Variants in LRP1 observed in about 807,000 individuals in gnomAD.
The protein encoded by LRP1 is prolow-density lipoprotein receptor-related protein 1.
Under a neutral mutation model 541.5 loss-of-function variants are expected in LRP1, and 51 were observed. That is an observed-to-expected ratio of 0.09 (90% CI 0.08 to 0.12). The LOEUF is 0.12. LRP1 is among the 10% of genes least tolerant of loss of function. LRP1 has a pLI of 1.00. For synonymous variants in LRP1, 2,219 were observed against 2,470.8 expected (o/e 0.90, Z 3.02); for missense variants, 3,878 against 6,376.2 (o/e 0.61, Z 13.34).
chr12:57,149,418 C>A, intron 6 of LRP1: 1 of 579,742 alleles, frequency 1.7e-6, no homozygotes. Context: ...CCTGTCCTCT[C>A]CTCCCCCGCT....
chr12:57,138,839 C>T (rs1346961293), intron 2 of LRP1, among the ~76,000 whole-genome samples: 3 of 152,234 alleles, frequency 2.0e-5, no homozygotes, highest in Non-Finnish European at 4.4e-5. Context: ...GGGCTGACAG[C>T]TTTGCTAGAA....
Position 57,162,975 on chromosome 12 carries a change from C to G in LRP1, c.2522C>G (p.Thr841Ser). The change falls in exon 15 of 89, where the codon ACT becomes AGT. Residue 841 changes from threonine to serine, a missense_variant. Coordinates refer to ENST00000243077, the MANE Select transcript of LRP1 (RefSeq NM_002332.3). The surrounding 1 kb of genome is among the most constrained non-coding windows in gnomAD (Gnocchi z 5.2). ...EDQVLDADGV[T>S]CLANPSYVPP... ...CAGGTGTTGGACGCAGACGGCGTCA[C>G]TTGCTTGGGTATGAGGTGCCTGGCT... The G allele has an allele frequency of 4.4e-6, 7 of 1,601,814 alleles. No homozygotes were observed. Among genetic ancestry groups the G allele is most frequent in the Non-Finnish European group, 5.9e-6 (7 of 1,176,818 alleles).
In LRP1 at chr12:57,206,734, A is replaced by C. The variant is rs2036788062; in HGVS notation, c.11852A>C (p.His3951Pro). The C allele has an allele frequency of 6.2e-7, 1 of 1,611,534 alleles. No individual in the cohort carries two copies. Residue 3951 changes from histidine to proline, a missense_variant, in exon 76 of 89, where the codon CAC (histidine) becomes CCC (proline). By Grantham distance (77) the His-to-Pro change is moderately conservative. Coordinates refer to ENST00000243077, the MANE Select transcript of LRP1 (RefSeq NM_002332.3). The surrounding 1 kb of genome is among the most constrained non-coding windows in gnomAD (Gnocchi z 4.7). The stretch of plus-strand genomic sequence containing the variant: ...CGACAGATTGACCGGGGTGTCACCC[A>C]CCTCAACGTGAGTGCCCAACCTGGC... Reference protein sequence around the residue: ...HRRQIDRGVTHLNISGLKMPR... With the variant: ...HRRQIDRGVTPLNISGLKMPR...
In LRP1 at chr12:57,154,811, C is replaced by T. The variant is rs533659220; in HGVS notation, c.1227+110C>T. 19 of 1,006,186 alleles carry T rather than the reference C, an allele frequency of 1.9e-5. No homozygotes were observed. The highest frequency in any genetic ancestry group is 4.8e-5 in the African/African-American group (3 of 62,568). 62.3% of individuals were successfully genotyped at this position (1,006,186 alleles called of 1,614,324 possible). ...GTTCTCTGAGTCTCCTGGTAAAGAG[C>T]GTGGATGCCCCAGGCCTCTAGTGGG... is the stretch of plus-strand genomic sequence containing the variant. On this transcript the variant is annotated intron_variant, in intron 8 of 88. Transcript: ENST00000243077. This position sits in a 1 kb window ranked among gnomAD's most constrained non-coding sequence, Gnocchi z 4.6.
At chr12:57,132,549 C>G (rs1463640538) in intron 1 of LRP1, among the ~76,000 whole-genome samples, 2 of 152,222 alleles carry the variant, frequency 1.3e-5, no homozygotes, top group African/African-American at 4.8e-5. Context: ...GGGTTCATCC[C>G]AGGACAACTG....
Position 57,206,100 on chromosome 12 carries a change from G to A in LRP1, c.11591-373G>A, listed in dbSNP as rs547558241. On this transcript the variant is annotated intron_variant, in intron 75 of 88. Coordinates refer to ENST00000243077, the MANE Select transcript of LRP1 (RefSeq NM_002332.3). The surrounding 1 kb of genome is among the most constrained non-coding windows in gnomAD (Gnocchi z 4.7). Reference sequence around the variant, plus strand: ...ACCATGCACTCCCATGCACACCCTCGTGCTCCATGCCAAGCACACACACCC... The same window carrying A: ...ACCATGCACTCCCATGCACACCCTCATGCTCCATGCCAAGCACACACACCC... 4.6e-5 allele frequency among the ~76,000 whole-genome samples: 7 copies of A among 152,206 alleles called. No homozygotes were observed. The highest frequency in any genetic ancestry group is 7.2e-5 in the African/African-American group (3 of 41,498).
At position 57,203,263 on chromosome 12, in the gene LRP1, C is replaced by T. The variant is rs545389702; in HGVS notation, c.10794C>T (p.His3598=). Residue 3598 remains histidine (H), a synonymous_variant, in exon 69 of 89, where the codon CAC becomes CAT. Transcript: ENST00000243077. ...GGCGCTGGAAATGCGATGGAGACCACGACTGCGCGGACGGCTCGGACGAGG... is the reference window on the plus strand; with the variant it reads ...GGCGCTGGAAATGCGATGGAGACCATGACTGCGCGGACGGCTCGGACGAGG... ...IAGRWKCDGD[H]DCADGSDEKD... is the part of the protein sequence containing the mutation. 37 of 1,609,972 alleles carry T rather than the reference C, an allele frequency of 2.3e-5. No homozygotes were observed. Among genetic ancestry groups the T allele is most frequent in the African/African-American group, 4.0e-5 (3 of 74,882 alleles).
chr12:57,213,157 A>T lies in LRP1; in HGVS notation c.*602A>T, dbSNP rs1481268180. On this transcript the variant is annotated 3_prime_UTR_variant, in exon 89 of 89. Coordinates refer to ENST00000243077, the MANE Select transcript of LRP1 (RefSeq NM_002332.3). Reference sequence around the variant, plus strand: ...CTCCAGGGCCCCCACCGAGGTTCCCAGGGCTGGAGACTTCCTCTGGTAAAC... The same window carrying T: ...CTCCAGGGCCCCCACCGAGGTTCCCTGGGCTGGAGACTTCCTCTGGTAAAC... 3 of 151,582 alleles carry T rather than the reference A, an allele frequency of 2.0e-5. No individual in the cohort carries two copies. The highest frequency in any genetic ancestry group is 4.4e-5 in the Non-Finnish European group (3 of 67,964). 9.4% of individuals were successfully genotyped at this position (151,582 alleles called of 1,614,324 possible).
intron 55 of LRP1, among the ~76,000 whole-genome samples, 159 bp from the exon 56 acceptor site, chr12:57,196,823 G>T (rs554716225): frequency 8.5e-5 from 13 of 152,342 alleles, no homozygotes; most frequent in Admixed American, 7.8e-4. Context: ...GCACACAGAA[G>T]GAGGCCTGCA....
At chr12:57,174,140 G>A (rs1055378626) in intron 22 of LRP1, among the ~76,000 whole-genome samples, 160 bp downstream of exon 22, 4 of 152,182 alleles carry the variant, frequency 2.6e-5, no homozygotes, top group African/African-American at 7.2e-5. Context: ...TGGACCTGGC[G>A]CTCCCCATGG....
At chr12:57,210,686 C>T (rs200145787) in intron 82 of LRP1, 32 bp from the exon 83 acceptor site, 98 of 1,591,826 alleles carry the variant, frequency 6.2e-5, no homozygotes, top group African/African-American at 9.4e-5. Context: ...TCTCGAGGGC[C>T]ACAGTCGCGC....
chr12:57,181,347 C>G (rs1208321189), intron 34 of LRP1, 56 bp downstream of exon 34: 1 of 1,561,782 alleles, frequency 6.4e-7, no homozygotes, highest in Non-Finnish European at 8.6e-7. Flanking sequence ...CTGACCCCTC[C>G]TACCCTACAG....
At chr12:57,172,723 T>G (rs531726102) in intron 20 of LRP1, among the ~76,000 whole-genome samples, 3 of 152,296 alleles carry the variant, frequency 2.0e-5, no homozygotes, top group Admixed American at 2.0e-4. Flanking sequence ...CAGTCTAGAT[T>G]TATGGGTTAT....
chr12:57,156,859 G>A lies in LRP1; in HGVS notation c.1500G>A (p.Lys500=). The change falls in exon 10 of 89, where the codon AAG becomes AAA. Residue 500 remains lysine, a synonymous_variant. Transcript: ENST00000243077. This position sits in a 1 kb window ranked among gnomAD's most constrained non-coding sequence, Gnocchi z 5.2. ...SDICLLANSH[K]ARTCRCRSGF... ...TCTGCCTGCTGGCCAACAGCCACAAGGCGCGGACCTGCCGCTGCCGTTCCG... is the reference window on the plus strand; with the variant it reads ...TCTGCCTGCTGGCCAACAGCCACAAAGCGCGGACCTGCCGCTGCCGTTCCG... 3.1e-6 allele frequency: 5 copies of A among 1,599,588 alleles called. No individual in the cohort carries two copies. The highest frequency in any genetic ancestry group is 2.2e-4 in the Middle Eastern group (1 of 4,530).
chr12:57,173,680 C>T lies in LRP1; in HGVS notation c.3347-100C>T. ...GTTCCTCGTGGACCCCACAGCGTTG[C>T]AATCCTGACCCTATTAGAGAAGCCC... On this transcript the variant is annotated intron_variant, in intron 21 of 88. Coordinates refer to ENST00000243077, the MANE Select transcript of LRP1 (RefSeq NM_002332.3). This position sits in a 1 kb window ranked among gnomAD's most constrained non-coding sequence, Gnocchi z 4.7. 1 of 1,290,850 alleles carries T rather than the reference C, an allele frequency of 7.7e-7. No individual in the cohort carries two copies. The highest frequency in any genetic ancestry group is 1.1e-6 in the Non-Finnish European group (1 of 896,662). 80.0% of individuals were successfully genotyped at this position (1,290,850 alleles called of 1,614,324 possible). A position where few individuals can be genotyped will look rare whatever the true frequency, so the allele number is the denominator to read the frequency against.
chr12:57,198,816 T>C, intron 60 of LRP1, 146 bp downstream of exon 60: 1 of 838,380 alleles, frequency 1.2e-6, no homozygotes, highest in South Asian at 1.7e-5. Flanking sequence ...GGGTGTGGGG[T>C]TCAGAGCACC....
In LRP1 at chr12:57,177,394, C is replaced by T. The variant is rs774287904; in HGVS notation, c.4197-33C>T. ...CACAGTCGCTCCCTGAGGGCCCTGA[C>T]TTTAGCCCTCCTGACCCCTCCCCAC... On this transcript the variant is annotated intron_variant, in intron 25 of 88. Coordinates refer to ENST00000243077, the MANE Select transcript of LRP1 (RefSeq NM_002332.3). The surrounding 1 kb of genome is among the most constrained non-coding windows in gnomAD (Gnocchi z 6.8). The T allele has an allele frequency of 3.0e-5, 47 of 1,569,380 alleles. No individual in the cohort carries two copies. The East Asian group carries it at 1.0e-3, about 34-fold the overall frequency.
intron 6 of LRP1, chr12:57,149,106 A>T: frequency 3.9e-6 from 2 of 508,864 alleles, no homozygotes; most frequent in Non-Finnish European, 7.0e-6. Context: ...AAGGGGTGCT[A>T]CCTCCCCACT....
chr12:57,167,108 C>A (rs575460949), intron 18 of LRP1, 62 bp downstream of exon 18: 2 of 1,416,162 alleles, frequency 1.4e-6, no homozygotes, highest in Non-Finnish European at 2.0e-6. Context: ...TGAGAGCATG[C>A]CAGTTGGGGG....
Sources: allele counts gnomAD v4.1 joint callset (sites outside exome capture counted in the v4.1 genomes callset), GRCh38; gene constraint gnomAD v4.1.1; non-coding constraint Gnocchi (gnomAD v3.1); transcripts MANE v1.5; gene names NCBI Gene and HGNC (gene_info 2026-07-23, HGNC 2026-07-21).